EPHB2: variants seen among roughly 807,000 people sequenced by gnomAD.
The protein encoded by EPHB2 is EPH receptor B2.
In EPHB2, 18 loss-of-function variants were observed where a neutral mutation model predicts 96.4. The ratio of observed to expected loss-of-function variants is 0.19; its 90% CI spans 0.13 to 0.28. The LOEUF (loss-of-function observed/expected upper bound fraction) is 0.28. Among genes scored for constraint, EPHB2 ranks in the 10% least tolerant of loss-of-function variants. The pLI is 1.00. For synonymous variants in EPHB2, 506 were observed against 534.1 expected, an observed-to-expected ratio of 0.95 and a Z score of 0.72; for missense variants, 989 against 1,355.4, an observed-to-expected ratio of 0.73 and a Z score of 4.25.
At chr1:22,827,466 A>C (rs868473461) in intron 3 of EPHB2, among the ~76,000 whole-genome samples, 1 of 152,174 alleles carries the variant, frequency 6.6e-6, no homozygotes, top group Non-Finnish European at 1.5e-5. Flanking sequence ...TTAGCATGGT[A>C]GTGTTATACA....
At chr1:22,785,169 G>T in intron 3 of EPHB2, 93 bp downstream of exon 3, 1 of 1,501,344 alleles carries the variant, frequency 6.7e-7, no homozygotes, top group Non-Finnish European at 9.0e-7. Context: ...GGCCTCTGAA[G>T]CTTAGAGCTG....
intron 1 of EPHB2, 85 bp from the exon 2 acceptor site, chr1:22,781,336 A>AAT: frequency 8.9e-7 from 1 of 1,127,270 alleles, no homozygotes; most frequent in Non-Finnish European, 1.3e-6. Context: ...AAAAAAAAAA[A>AAT]GAAGAAGAAG....
At chr1:22,785,859 C>T (rs956618093) in intron 3 of EPHB2, among the ~76,000 whole-genome samples, 1 of 152,226 alleles carries the variant, frequency 6.6e-6, no homozygotes, top group Non-Finnish European at 1.5e-5. Flanking sequence ...TTAATCCTCA[C>T]AAGGACCCTG....
chr1:22,716,576 T>G (rs1387260811), intron 1 of EPHB2, among the ~76,000 whole-genome samples: 2 of 152,136 alleles, frequency 1.3e-5, no homozygotes, highest in East Asian at 3.9e-4. Context: ...TGACCTCAAG[T>G]GACCCACCCA....
chr1:22,779,222 C>T (rs1237070278), intron 1 of EPHB2, among the ~76,000 whole-genome samples: 2 of 152,102 alleles, frequency 1.3e-5, no homozygotes, highest in African/African-American at 4.8e-5. Flanking sequence ...TTTTCAGCTC[C>T]AAAGCTGCAT....
chr1:22,744,317 G>A (rs1247092835), intron 1 of EPHB2, among the ~76,000 whole-genome samples: 1 of 151,902 alleles, frequency 6.6e-6, no homozygotes. Context: ...CCCTCACACT[G>A]TTGAAAATCC....
intron 1 of EPHB2, among the ~76,000 whole-genome samples, chr1:22,754,829 G>GTGA: frequency 7.4e-6 from 1 of 134,508 alleles, no homozygotes; most frequent in Non-Finnish European, 1.6e-5. Flanking sequence ...GGGAGGTGAG[G>GTGA]GGCAGGGGAG....
chr1:22,876,637 C>T (rs1638845864), intron 5 of EPHB2, among the ~76,000 whole-genome samples: 1 of 152,234 alleles, frequency 6.6e-6, no homozygotes, highest in African/African-American at 2.4e-5. Context: ...TGACCCCATC[C>T]CCCTGTCAGC....
chr1:22,910,661 C>A, intron 14 of EPHB2, 86 bp downstream of exon 14: 1 of 1,502,356 alleles, frequency 6.7e-7, no homozygotes, highest in Non-Finnish European at 9.1e-7. Flanking sequence ...CAGGCAAATG[C>A]TCTTCCTTAC....
intron 5 of EPHB2, among the ~76,000 whole-genome samples, chr1:22,869,331 G>A (rs1638583045): frequency 6.6e-6 from 1 of 152,042 alleles, no homozygotes; most frequent in African/African-American, 2.4e-5. Context: ...GCAGTATAGT[G>A]TAGACACAGT....
At chr1:22,785,118 A>G in intron 3 of EPHB2, 42 bp downstream of exon 3, 1 of 1,610,902 alleles carries the variant, frequency 6.2e-7, no homozygotes, top group Non-Finnish European at 8.5e-7. Context: ...AAATGCATAG[A>G]ACTGGTCTTG....
At chr1:22,785,097 C>A in intron 3 of EPHB2, 21 bp downstream of exon 3, 1 of 1,613,068 alleles carries the variant, frequency 6.2e-7, no homozygotes, top group Non-Finnish European at 8.5e-7. Flanking sequence ...GGGTGGGGCA[C>A]GTGCCCCTGC....
At chr1:22,869,944 A>G (rs1338007408) in intron 5 of EPHB2, among the ~76,000 whole-genome samples, 1 of 152,136 alleles carries the variant, frequency 6.6e-6, no homozygotes, top group East Asian at 1.9e-4. Flanking sequence ...CCCGGCACCT[A>G]GAGGGGGCTG....
chr1:22,784,805 C>A lies in EPHB2; in HGVS notation c.540C>A (p.Asp180Glu), dbSNP rs773979383. ...GCGGCTTCTACCTGGCCTTCCAGGA[C>A]TATGGCGGCTGCATGTCCCTCATCG... ...SRSGFYLAFQ[D>E]YGGCMSLIAV... Residue 180 changes from aspartate (D) to glutamate (E), a missense_variant, in exon 3 of 16, where the codon GAC (aspartate) becomes GAA (glutamate). Physicochemically the swap from Asp to Glu is conservative, Grantham distance 45 (BLOSUM62 2). Transcript: ENST00000374630. This position sits in a 1 kb window ranked among gnomAD's most constrained non-coding sequence, Gnocchi z 5.1. 1.2e-6 allele frequency: 2 copies of A among 1,602,948 alleles called. No homozygotes were observed. Among genetic ancestry groups the A allele is most frequent in the Non-Finnish European group, 1.7e-6 (2 of 1,173,028 alleles).
intron 1 of EPHB2, among the ~76,000 whole-genome samples, chr1:22,747,341 G>T (rs1284594234): frequency 1.3e-5 from 2 of 152,240 alleles, no homozygotes; most frequent in Admixed American, 1.3e-4. Context: ...TGCTTTTACG[G>T]AGTTATATTA....
intron 1 of EPHB2, among the ~76,000 whole-genome samples, chr1:22,717,730 T>C (rs893960): frequency 0.51 from 77,560 of 152,118 alleles, 20,534 homozygotes; most frequent in East Asian, 0.92. Flanking sequence ...CTCGTGCCCC[T>C]GGCCAGAATG....
Position 22,882,366 on chromosome 1 carries a change from G to T in EPHB2, c.1311G>T (p.Ser437=). The stretch of plus-strand genomic sequence containing the variant: ...CTCTGGCCTCTCTTCCAGCTCCATC[G>T]GCAGTGTCCATCATGCATCAGGTGA... ...VNITTNQAAP[S]AVSIMHQVSR... Residue 437 remains serine (S), a synonymous_variant, in exon 6 of 16, where the codon TCG becomes TCT. Coordinates refer to ENST00000374630, the MANE Select transcript of EPHB2 (RefSeq NM_017449.5). 1 of 1,613,888 alleles carries T rather than the reference G, an allele frequency of 6.2e-7. No homozygotes were observed. The highest frequency in any genetic ancestry group is 8.5e-7 in the Non-Finnish European group (1 of 1,179,962).
At chr1:22,910,856 G>A (rs1483424809) in intron 14 of EPHB2, among the ~76,000 whole-genome samples, 1 of 152,228 alleles carries the variant, frequency 6.6e-6, no homozygotes, top group Non-Finnish European at 1.5e-5. Context: ...ACCAAAGGAA[G>A]GCCGGGAGAG....
intron 3 of EPHB2, among the ~76,000 whole-genome samples, chr1:22,800,074 C>G (rs930038461): frequency 2.0e-5 from 3 of 152,244 alleles, no homozygotes; most frequent in Admixed American, 6.5e-5. Flanking sequence ...CTGAGCTGCC[C>G]TCCCCCACAC....
Sources: allele counts gnomAD v4.1 joint callset (sites outside exome capture counted in the v4.1 genomes callset), GRCh38; gene constraint gnomAD v4.1.1; non-coding constraint Gnocchi (gnomAD v3.1); transcripts MANE v1.5; gene names NCBI Gene and HGNC (gene_info 2026-07-23, HGNC 2026-07-21).